EML6: variants seen among roughly 807,000 people sequenced by gnomAD.
EML6 encodes EMAP like 6.
EML6 carries 154 observed loss-of-function variants against 240.1 expected under a neutral mutation model. The ratio of observed to expected loss-of-function variants is 0.64; its 90% confidence interval spans 0.56 to 0.73. The LOEUF (loss-of-function observed/expected upper bound fraction) is 0.73. Among genes scored for constraint, EML6 ranks in the 30% least tolerant of loss-of-function variants. The pLI is 0.00. For synonymous variants in EML6, 1,148 were observed against 899.0 expected (o/e 1.28, Z -4.95); for missense variants, 2,964 against 2,474.6 (o/e 1.20, Z -4.20).
At chr2:54,959,359 T>C (rs1676389000) in intron 34 of EML6, 98 bp downstream of exon 34, 1 of 1,190,944 alleles carries the variant, frequency 8.4e-7, no homozygotes, top group Non-Finnish European at 1.2e-6. Context: ...CAGACTGTCA[T>C]CCTCCTATCT....
intron 24 of EML6, 108 bp downstream of exon 24, chr2:54,903,610 G>T (rs905971432): frequency 2.5e-3 from 1,554 of 611,318 alleles, no homozygotes; most frequent in East Asian, 5.1e-3. Context: ...TGGGAAAGGG[G>T]AATCCCACAA....
In EML6 at chr2:54,725,021, C is replaced by CGGCGCGCGGGGGGACGGGG; in HGVS notation, c.-28_-27insACGGGGGGCGCGCGGGGGG. The CGGCGCGCGGGGGGACGGGG allele has an allele frequency of 6.9e-7, 1 of 1,459,354 alleles. No individual in the cohort carries two copies. Among genetic ancestry groups the CGGCGCGCGGGGGGACGGGG allele is most frequent in the Non-Finnish European group, 9.0e-7 (1 of 1,106,074 alleles). The allele number at this position is 1,459,354 out of a possible 1,614,324, so 90.4% of individuals were successfully genotyped here. A position where few individuals can be genotyped will look rare whatever the true frequency, so the allele number is the denominator to read the frequency against. ...GCCCCAGCCTCGGCGAGGACGGCCC[C>CGGCGCGCGGGGGGACGGGG]GGCGCGCGGGGGGGCGGGGGGCGCG... is the stretch of plus-strand genomic sequence containing the variant. On this transcript the variant is annotated 5_prime_UTR_variant, in exon 2 of 42. Transcript: ENST00000356458. This position sits in a 1 kb window ranked among gnomAD's most constrained non-coding sequence, Gnocchi z 4.3.
chr2:54,912,780 G>A (rs1263578146), intron 25 of EML6, among the ~76,000 whole-genome samples: 1 of 152,134 alleles, frequency 6.6e-6, no homozygotes, highest in African/African-American at 2.4e-5. Flanking sequence ...TGGTATATAT[G>A]TACCACATTT....
intron 2 of EML6, among the ~76,000 whole-genome samples, chr2:54,788,894 T>G (rs1226136497): frequency 6.6e-6 from 1 of 152,216 alleles, no homozygotes; most frequent in Non-Finnish European, 1.5e-5. Flanking sequence ...TCTGACTGGT[T>G]GGAGTTCCAT....
At chr2:54,908,443 A>G (rs1388114919) in intron 24 of EML6, among the ~76,000 whole-genome samples, 1 of 152,072 alleles carries the variant, frequency 6.6e-6, no homozygotes, top group Non-Finnish European at 1.5e-5. Context: ...ACCAGCTTAA[A>G]TTTTAAAGTA....
At chr2:54,804,893 A>G (rs923175929) in intron 2 of EML6, among the ~76,000 whole-genome samples, 1 of 152,196 alleles carries the variant, frequency 6.6e-6, no homozygotes. Context: ...TAGCTTAGGT[A>G]TACCATTCTT....
chr2:54,767,564 C>T (rs1397131409), intron 2 of EML6, among the ~76,000 whole-genome samples: 8 of 150,044 alleles, frequency 5.3e-5, no homozygotes, highest in Non-Finnish European at 1.0e-4. Flanking sequence ...GAGTAGCCTG[C>T]CTGGACCTAT....
intron 2 of EML6, among the ~76,000 whole-genome samples, chr2:54,730,350 T>A (rs1683099596): frequency 6.6e-6 from 1 of 152,192 alleles, no homozygotes; most frequent in Non-Finnish European, 1.5e-5. Context: ...GCCTGGAGTG[T>A]CAGGTAAGCA....
chr2:54,799,689 A>T (rs1204342573), intron 2 of EML6, among the ~76,000 whole-genome samples: 1 of 152,194 alleles, frequency 6.6e-6, no homozygotes, highest in Non-Finnish European at 1.5e-5. Context: ...TGTAGTTGCA[A>T]CAGAGACCAT....
At chr2:54,844,460 A>G (rs192127887) in intron 8 of EML6, among the ~76,000 whole-genome samples, 20 of 152,288 alleles carry the variant, frequency 1.3e-4, no homozygotes, top group African/African-American at 4.3e-4. Context: ...TGTTTTTTAG[A>G]AGTGAAAAAT....
intron 7 of EML6, among the ~76,000 whole-genome samples, chr2:54,840,292 T>G (rs1015878545): frequency 1.7e-5 from 2 of 120,736 alleles, no homozygotes; most frequent in African/African-American, 5.0e-5. Flanking sequence ...GCCGTGTCTT[T>G]AAAACAATCA....
chr2:54,775,698 G>T (rs1656929286), intron 2 of EML6, among the ~76,000 whole-genome samples: 1 of 152,140 alleles, frequency 6.6e-6, no homozygotes, highest in South Asian at 2.1e-4. Flanking sequence ...AGAGTGCCTG[G>T]CTTCAAGCAT....
intron 29 of EML6, among the ~76,000 whole-genome samples, chr2:54,949,298 A>T (rs1476250054): frequency 6.6e-6 from 1 of 152,138 alleles, no homozygotes; most frequent in Non-Finnish European, 1.5e-5. Context: ...AAGGAAAGAG[A>T]CAGGGGAGCA....
intron 26 of EML6, among the ~76,000 whole-genome samples, chr2:54,920,925 G>C (rs2104346872): frequency 6.6e-6 from 1 of 152,072 alleles, no homozygotes; most frequent in East Asian, 1.9e-4. Flanking sequence ...TTATCTCAGT[G>C]GATGTGAGAA....
chr2:54,896,033 T>G (rs1672745302), intron 21 of EML6, among the ~76,000 whole-genome samples: 1 of 152,198 alleles, frequency 6.6e-6, no homozygotes, highest in Non-Finnish European at 1.5e-5. Flanking sequence ...GGGAGGTGAT[T>G]ATGCAAGAGT....
chr2:54,758,872 A>T (rs1667854735), intron 2 of EML6, among the ~76,000 whole-genome samples: 1 of 152,080 alleles, frequency 6.6e-6, no homozygotes, highest in Non-Finnish European at 1.5e-5. Flanking sequence ...TTCATAGAGC[A>T]ATGTAGGGTA....
intron 2 of EML6, among the ~76,000 whole-genome samples, chr2:54,733,316 G>A (rs1335543516): frequency 1.3e-5 from 2 of 152,208 alleles, no homozygotes; most frequent in Non-Finnish European, 2.9e-5. Flanking sequence ...ACATTTTTCT[G>A]TGTTACGAGT....
intron 35 of EML6, among the ~76,000 whole-genome samples, chr2:54,961,192 T>TTTTTTTTGTTTTTTTTTTTTTTTTG (rs1676492140): frequency 8.8e-6 from 1 of 113,432 alleles, no homozygotes; most frequent in Admixed American, 9.4e-5. Context: ...TAGTTTTTTT[T>TTTTTTTTGTTTTTTTTTTTTTTTTG]TTTTTTTTTT....
At chr2:54,796,995 C>G (rs35952938) in intron 2 of EML6, among the ~76,000 whole-genome samples, 2 of 151,458 alleles carry the variant, frequency 1.3e-5, no homozygotes. Flanking sequence ...AACCTGGTCT[C>G]TACTTAAAAA....
Sources: gnomAD v4.1 joint callset for allele counts (sites outside exome capture counted in the v4.1 genomes callset) on GRCh38, gnomAD v4.1.1 for gene constraint, Gnocchi (gnomAD v3.1) non-coding constraint, MANE v1.5 for transcripts, NCBI Gene and HGNC (gene_info 2026-07-23, HGNC 2026-07-21) for gene names.